Variants in ZDHHC7 observed in about 807,000 individuals in gnomAD.
ZDHHC7 encodes the protein palmitoyltransferase ZDHHC7.
In ZDHHC7, 12 loss-of-function variants were observed where a neutral mutation model predicts 34.1. That is an observed-to-expected ratio of 0.35 (90% CI 0.23 to 0.57). The LOEUF (loss-of-function observed/expected upper bound fraction) is 0.57. Among genes scored for constraint, ZDHHC7 ranks in the 20% least tolerant of loss-of-function variants. The pLI, the probability that ZDHHC7 is intolerant of heterozygous loss-of-function variation, is 0.84. For synonymous variants in ZDHHC7, 185 were observed against 155.4 expected (o/e 1.19, Z -1.42); for missense variants, 388 against 402.7 (o/e 0.96, Z 0.31).
At chr16:84,979,078 A>G (rs1413849192) in intron 5 of ZDHHC7, 111 bp downstream of exon 5, 3 of 1,041,094 alleles carry the variant, frequency 2.9e-6, no homozygotes, top group Non-Finnish European at 2.7e-6. Flanking sequence ...TCCTGGAGAA[A>G]AGGCTGGAGA....
chr16:84,979,366 AG>A, intron 4 of ZDHHC7, 81 bp from the exon 5 acceptor site: 1 of 1,529,446 alleles, frequency 6.5e-7, no homozygotes. Context: ...TCAAAGGTGG[AG>A]GAAAATTAGA....
upstream of ZDHHC7, among the ~76,000 whole-genome samples, chr16:85,012,735 T>A (rs1157484129): frequency 6.6e-6 from 1 of 151,898 alleles, no homozygotes; most frequent in Non-Finnish European, 1.5e-5. Flanking sequence ...CGAAACCCCA[T>A]CTCTACTAAA....
At chr16:85,021,626 G>A in the ZDHHC7 span, among the ~76,000 whole-genome samples, 1 of 150,880 alleles carries the variant, frequency 6.6e-6, no homozygotes, top group African/African-American at 2.4e-5. Context: ...ACTGAGGCAC[G>A]AGAATCACTT....
Position 84,998,329 on chromosome 16 carries a change from C to G in ZDHHC7, c.-103-2322G>C, listed in dbSNP as rs539639857. Among the ~76,000 whole-genome samples the G allele has an allele frequency of 5.3e-5, 8 of 151,846 alleles. No homozygotes were observed. In the South Asian group the frequency reaches 1.5e-3, roughly 28 times the overall value. On this transcript the variant is annotated intron_variant, in intron 1 of 7. Coordinates refer to ENST00000313732, the MANE Select transcript of ZDHHC7 (RefSeq NM_017740.3). ...CCTTCCAAACAACAGAGGTTGAGCA[C>G]AGGGGTCCCTGGGAGAAAAGGGCGC...
chr16:84,997,153 T>C (rs752991862), intron 1 of ZDHHC7, among the ~76,000 whole-genome samples: 28 of 151,964 alleles, frequency 1.8e-4, no homozygotes, highest in Non-Finnish European at 3.4e-4. Context: ...GTAAAATTCA[T>C]ATTCTTCAAA....
the ZDHHC7 span, among the ~76,000 whole-genome samples, chr16:85,020,962 A>G: frequency 2.6e-5 from 4 of 152,060 alleles, no homozygotes; most frequent in African/African-American, 9.7e-5. Flanking sequence ...AAAATTAGCC[A>G]GTTAAGGTGG....
upstream of ZDHHC7, among the ~76,000 whole-genome samples, chr16:85,015,059 T>C (rs897639079): frequency 6.6e-6 from 1 of 151,814 alleles, no homozygotes; most frequent in Non-Finnish European, 1.5e-5. Context: ...TTTGGTTTCA[T>C]CAATGTGAAG....
Position 84,995,949 on chromosome 16 carries a change from G to T in ZDHHC7, c.-45C>A, listed in dbSNP as rs2072571337. On this transcript the variant is annotated 5_prime_UTR_variant, in exon 2 of 8. Transcript: ENST00000313732. ...CACAAGTTATTTCTAAACATCACTT[G>T]AACATTTTGTGCCGTTTCTTCAGGA... 2 of 152,200 alleles carry T rather than the reference G, an allele frequency of 1.3e-5. No individual in the cohort carries two copies. Among genetic ancestry groups the T allele is most frequent in the African/African-American group, 4.8e-5 (2 of 41,452 alleles). The allele number at this position is 152,200 out of a possible 1,614,324, so 9.4% of individuals were successfully genotyped here.
At chr16:84,993,043 A>T (rs959476413) in intron 2 of ZDHHC7, among the ~76,000 whole-genome samples, 4 of 152,218 alleles carry the variant, frequency 2.6e-5, no homozygotes, top group African/African-American at 9.6e-5. Flanking sequence ...GCTTTAAAAA[A>T]TGTTTAAGGC....
At chr16:84,991,614 T>G (rs1286860103) in intron 2 of ZDHHC7, among the ~76,000 whole-genome samples, 2 of 151,838 alleles carry the variant, frequency 1.3e-5, no homozygotes, top group African/African-American at 4.8e-5. Flanking sequence ...AAAAGTTTCC[T>G]GTTTTTGTTG....
At chr16:85,017,820 A>G in the ZDHHC7 span, among the ~76,000 whole-genome samples, 1 of 152,220 alleles carries the variant, frequency 6.6e-6, no homozygotes, top group African/African-American at 2.4e-5. Context: ...AGGGAAAAGT[A>G]CACACTCAAG....
intron 3 of ZDHHC7, among the ~76,000 whole-genome samples, chr16:84,985,571 AT>A (rs1350518050): frequency 6.6e-6 from 1 of 152,208 alleles, no homozygotes; most frequent in Non-Finnish European, 1.5e-5. Flanking sequence ...GACCAGAGAG[AT>A]TAATTAAAAG....
chr16:85,004,813 G>A (rs556043747), intron 1 of ZDHHC7: 1 of 152,272 alleles, frequency 6.6e-6, no homozygotes, highest in African/African-American at 2.4e-5. Flanking sequence ...TCTGCCAGGG[G>A]AGTGGGCCAG....
intron 1 of ZDHHC7, among the ~76,000 whole-genome samples, chr16:85,006,920 G>T (rs183009032): frequency 1.3e-5 from 2 of 150,838 alleles, no homozygotes; most frequent in Admixed American, 6.6e-5. Flanking sequence ...TTTTGCTCCT[G>T]TTTCCTCCAA....
chr16:85,007,774 G>A (rs1383957608), intron 1 of ZDHHC7, among the ~76,000 whole-genome samples: 1 of 152,068 alleles, frequency 6.6e-6, no homozygotes, highest in East Asian at 1.9e-4. Flanking sequence ...ATTTGTCAAT[G>A]GCAAAGCACA....
At chr16:84,987,021 T>C (rs2072445507) in intron 3 of ZDHHC7, among the ~76,000 whole-genome samples, 2 of 152,200 alleles carry the variant, frequency 1.3e-5, no homozygotes, top group Admixed American at 6.5e-5. Flanking sequence ...CCACTCCACC[T>C]GCTCTGAGGA....
intron 1 of ZDHHC7, among the ~76,000 whole-genome samples, chr16:85,007,337 C>T (rs1056497609): frequency 1.3e-5 from 2 of 150,700 alleles, no homozygotes; most frequent in Non-Finnish European, 2.9e-5. Context: ...GCAGGAGAAC[C>T]GCTTGAACCT....
intron 3 of ZDHHC7, chr16:84,988,667 G>T: frequency 9.6e-7 from 1 of 1,042,174 alleles, no homozygotes; most frequent in Non-Finnish European, 1.4e-6. Flanking sequence ...GAGCGCAGAG[G>T]AGGAAGGGGC....
chr16:85,017,501 A>T, the ZDHHC7 span, among the ~76,000 whole-genome samples: 1 of 152,200 alleles, frequency 6.6e-6, no homozygotes, highest in Non-Finnish European at 1.5e-5. Flanking sequence ...CTTCTACTAG[A>T]ATGTTCATTC....
Sources: allele counts gnomAD v4.1 joint callset (sites outside exome capture counted in the v4.1 genomes callset), GRCh38; gene constraint gnomAD v4.1.1; transcripts MANE v1.5; gene names NCBI Gene and HGNC (gene_info 2026-07-23, HGNC 2026-07-21).